The following TRIM45 variants were observed in gnomAD, a reference collection of about 807,000 sequenced individuals.
TRIM45 encodes tripartite motif containing 45.
Under a neutral mutation model 46.7 loss-of-function variants are expected in TRIM45, and 45 were observed. That is an observed-to-expected ratio of 0.96 (90% CI 0.76 to 1.24). TRIM45 has a LOEUF of 1.24. Among genes scored for constraint, TRIM45 ranks in the 50% most tolerant of loss-of-function variants. TRIM45 has a pLI of 0.00. For missense variants in TRIM45, 680 were observed against 728.4 expected (o/e 0.93, Z 0.77); for synonymous variants, 259 against 285.8 (o/e 0.91, Z 0.94).
rs1650431742 is a variant in TRIM45 at position 117,117,130 on chromosome 1, C to T, written c.1223-385G>A. ...ATCCTGCTGGGCTAGGCAGGGAGTACAGCTGACCAGCCTCACGACCCTCCA... is the reference window on the plus strand; with the variant it reads ...ATCCTGCTGGGCTAGGCAGGGAGTATAGCTGACCAGCCTCACGACCCTCCA... On this transcript the variant is annotated intron_variant, in intron 2 of 5. Coordinates refer to ENST00000256649, the MANE Select transcript of TRIM45 (RefSeq NM_025188.4). The surrounding 1 kb of genome is among the most constrained non-coding windows in gnomAD (Gnocchi z 4.9). Among the ~76,000 whole-genome samples the T allele has an allele frequency of 6.6e-6, 1 of 152,156 alleles. No homozygotes were observed. Among genetic ancestry groups the T allele is most frequent in the Non-Finnish European group, 1.5e-5 (1 of 68,032 alleles).
intron 1 of TRIM45, among the ~76,000 whole-genome samples, chr1:117,119,920 G>A (rs1296337271): frequency 6.6e-6 from 1 of 152,166 alleles, no homozygotes; most frequent in East Asian, 1.9e-4. Context: ...TGTTAGTGTA[G>A]CCAGAAAACA....
chr1:117,112,030 T>A lies in TRIM45; in HGVS notation c.*275A>T. 1 of 283,540 alleles carries A rather than the reference T, an allele frequency of 3.5e-6. No homozygotes were observed. Among genetic ancestry groups the A allele is most frequent in the South Asian group, 1.6e-4 (1 of 6,318 alleles). 17.6% of individuals were successfully genotyped at this position (283,540 alleles called of 1,614,324 possible). On this transcript the variant is annotated 3_prime_UTR_variant, in exon 6 of 6. Coordinates refer to ENST00000256649, the MANE Select transcript of TRIM45 (RefSeq NM_025188.4). ...GACCCTTCAGTGCCAATGGAATAGA[T>A]ACCTCCATACTGTACAAAATGAAAA...
Position 117,113,618 on chromosome 1 carries a change from CAGATT to C in TRIM45, c.1468-138_1468-134del, listed in dbSNP as rs1460724994. On this transcript the variant is annotated intron_variant, in intron 4 of 5. Transcript: ENST00000256649. This position sits in a 1 kb window ranked among gnomAD's most constrained non-coding sequence, Gnocchi z 4.0. ...ATGGACAAGGACAACAGGAAAGAAA[CAGATT>C]AGAGGACAAGAACCCTGCTCAGCTG... 2.4e-6 allele frequency: 3 copies of C among 1,229,228 alleles called. No homozygotes were observed. Among genetic ancestry groups the C allele is most frequent in the Non-Finnish European group, 3.3e-6 (3 of 904,400 alleles). The allele number at this position is 1,229,228 out of a possible 1,614,324, so 76.1% of individuals were successfully genotyped here.
At position 117,117,289 on chromosome 1, in the gene TRIM45, T is replaced by C. The variant is rs1176089729; in HGVS notation, c.1223-544A>G. On this transcript the variant is annotated intron_variant, in intron 2 of 5. Coordinates refer to ENST00000256649, the MANE Select transcript of TRIM45 (RefSeq NM_025188.4). This position sits in a 1 kb window ranked among gnomAD's most constrained non-coding sequence, Gnocchi z 4.9. ...GAGGTTCATGAACTACTATGAGGTC[T>C]ATGGAAAGGCTTATGAAGAGTCTAA... 2.0e-5 allele frequency among the ~76,000 whole-genome samples: 3 copies of C among 152,174 alleles called. No individual in the cohort carries two copies. Among genetic ancestry groups the C allele is most frequent in the Admixed American group, 2.0e-4 (3 of 15,280 alleles).
At position 117,115,753 on chromosome 1, in the gene TRIM45, T is replaced by A; in HGVS notation, c.1353-64A>T. The stretch of plus-strand genomic sequence containing the variant: ...CAAGCTGGCTTCAGTTGCTACTATT[T>A]CAGAATGTAAACTCTACACCATCCC... On this transcript the variant is annotated intron_variant, in intron 3 of 5. Coordinates refer to ENST00000256649, the MANE Select transcript of TRIM45 (RefSeq NM_025188.4). The surrounding 1 kb of genome is among the most constrained non-coding windows in gnomAD (Gnocchi z 4.2). 9.0e-7 allele frequency: 1 copy of A among 1,117,142 alleles called. No individual in the cohort carries two copies. Among genetic ancestry groups the A allele is most frequent in the Non-Finnish European group, 1.4e-6 (1 of 730,434 alleles). The allele number at this position is 1,117,142 out of a possible 1,614,324, so 69.2% of individuals were successfully genotyped here.
At chr1:117,120,662 C>T in intron 1 of TRIM45, 52 bp downstream of exon 1, 1 of 1,533,284 alleles carries the variant, frequency 6.5e-7, no homozygotes, top group South Asian at 1.3e-5. Flanking sequence ...TGTCTTGACA[C>T]CTCTTTGTAA....
Position 117,116,466 on chromosome 1 carries a change from T to G in TRIM45, c.1352+150A>C. 1 of 1,054,510 alleles carries G rather than the reference T, an allele frequency of 9.5e-7. No individual in the cohort carries two copies. Among genetic ancestry groups the G allele is most frequent in the South Asian group, 1.6e-5 (1 of 61,242 alleles). The allele number at this position is 1,054,510 out of a possible 1,614,324, so 65.3% of individuals were successfully genotyped here. On this transcript the variant is annotated intron_variant, in intron 3 of 5. Coordinates refer to ENST00000256649, the MANE Select transcript of TRIM45 (RefSeq NM_025188.4). The surrounding 1 kb of genome is among the most constrained non-coding windows in gnomAD (Gnocchi z 4.6). ...GTTGCCCAGGCTGGTCTTGAACTCTTGGGCTTAAGCGATCCTCCTGCCTCC... is the reference window on the plus strand; with the variant it reads ...GTTGCCCAGGCTGGTCTTGAACTCTGGGGCTTAAGCGATCCTCCTGCCTCC...
intron 5 of TRIM45, among the ~76,000 whole-genome samples, chr1:117,112,901 A>T (rs1650272533): frequency 6.6e-6 from 1 of 152,052 alleles, no homozygotes; most frequent in African/African-American, 2.4e-5. Context: ...ATTTTTTTTT[A>T]AAGTAATTAG....
Position 117,121,715 on chromosome 1 carries a change from C to T in TRIM45, c.-514G>A, listed in dbSNP as rs1650644772. The stretch of plus-strand genomic sequence containing the variant: ...GGCTTCTCGGTGTCCACCGCCTCTC[C>T]CGCGCCTCGGCCCGGGACGCCCGCG... On this transcript the variant is annotated 5_prime_UTR_variant, in exon 1 of 6. Transcript: ENST00000256649. The surrounding 1 kb of genome is among the most constrained non-coding windows in gnomAD (Gnocchi z 4.2). The T allele has an allele frequency of 5.1e-6, 3 of 585,782 alleles. No individual in the cohort carries two copies. The highest frequency in any genetic ancestry group is 9.2e-6 in the Non-Finnish European group (3 of 326,066). The allele number at this position is 585,782 out of a possible 1,614,324, so 36.3% of individuals were successfully genotyped here. A position where few individuals can be genotyped will look rare whatever the true frequency, so the allele number is the denominator to read the frequency against.
Position 117,118,854 on chromosome 1 carries a change from C to G in TRIM45, c.489-87G>C. ...CAGAGAGATTTTAGGAGCACAGGATCTGAAGTTAAACAAACCTGATTTCAA... is the reference window on the plus strand; with the variant it reads ...CAGAGAGATTTTAGGAGCACAGGATGTGAAGTTAAACAAACCTGATTTCAA... On this transcript the variant is annotated intron_variant, in intron 1 of 5. Transcript: ENST00000256649. This position sits in a 1 kb window ranked among gnomAD's most constrained non-coding sequence, Gnocchi z 5.7. 2 of 1,503,452 alleles carry G rather than the reference C, an allele frequency of 1.3e-6. No homozygotes were observed. The highest frequency in any genetic ancestry group is 1.8e-6 in the Non-Finnish European group (2 of 1,120,754). 93.1% of individuals were successfully genotyped at this position (1,503,452 alleles called of 1,614,324 possible).
At position 117,118,655 on chromosome 1, in the gene TRIM45, G is replaced by A. The variant is rs1444079917; in HGVS notation, c.601C>T (p.Leu201=). Residue 201 remains leucine (L), a synonymous_variant, in exon 2 of 6, where the codon CTG becomes TTG. Transcript: ENST00000256649. This position sits in a 1 kb window ranked among gnomAD's most constrained non-coding sequence, Gnocchi z 5.7. ...GGCCGGTCACAGAACTCACAGAACA[G>A]CCTCAGTTCCTCTGCAGGGTGAACA... ...CPVHPAEELR[L]FCEFCDRPVC... 1.2e-6 allele frequency: 2 copies of A among 1,614,032 alleles called. No individual in the cohort carries two copies. Among genetic ancestry groups the A allele is most frequent in the South Asian group, 2.2e-5 (2 of 91,084 alleles).
Position 117,117,691 on chromosome 1 carries a change from C to G in TRIM45, c.1222+343G>C, listed in dbSNP as rs903522432. Among the ~76,000 whole-genome samples, 1 of 152,222 alleles carries G rather than the reference C, an allele frequency of 6.6e-6. No homozygotes were observed. Among genetic ancestry groups the G allele is most frequent in the African/African-American group, 2.4e-5 (1 of 41,456 alleles). On this transcript the variant is annotated intron_variant, in intron 2 of 5. Transcript: ENST00000256649. The surrounding 1 kb of genome is among the most constrained non-coding windows in gnomAD (Gnocchi z 4.9). Reference sequence around the variant, plus strand: ...AGGGCCTGCCATGCTCCTCTCTGAGCAGGCAGAATTTCACCTGGCCCTAGT... The same window carrying G: ...AGGGCCTGCCATGCTCCTCTCTGAGGAGGCAGAATTTCACCTGGCCCTAGT...
chr1:117,112,912 A>G (rs945501901), intron 5 of TRIM45, among the ~76,000 whole-genome samples: 2 of 152,140 alleles, frequency 1.3e-5, no homozygotes, highest in Non-Finnish European at 2.9e-5. Flanking sequence ...AAGTAATTAG[A>G]TCCCTAACCT....
rs760573761 is a variant in TRIM45 at position 117,115,330 on chromosome 1, A to G, written c.1467+245T>C. On this transcript the variant is annotated intron_variant, in intron 4 of 5. Coordinates refer to ENST00000256649, the MANE Select transcript of TRIM45 (RefSeq NM_025188.4). This position sits in a 1 kb window ranked among gnomAD's most constrained non-coding sequence, Gnocchi z 4.2. The stretch of plus-strand genomic sequence containing the variant: ...TCCATATTAAGAATCCTAAGAAACC[A>G]ACTGGGAGAATGATAAGCTATAAGC... Among the ~76,000 whole-genome samples the G allele has an allele frequency of 6.6e-6, 1 of 152,168 alleles. No individual in the cohort carries two copies. The highest frequency in any genetic ancestry group is 1.5e-5 in the Non-Finnish European group (1 of 68,022).
rs760828020 is a variant in TRIM45, at chr1:117,120,971, T to C, written c.231A>G (p.Ile77Met). 6 of 1,614,066 alleles carry C rather than the reference T, an allele frequency of 3.7e-6. No individual in the cohort carries two copies. In the African/African-American group the frequency reaches 6.7e-5, roughly 18 times the overall value. ...GDSDTSSEGS[I>M]FQELKPRSLQ... ...GACTTCGTGGCTTGAGTTCCTGGAA[T>C]ATTGACCCCTCAGAGCTTGTGTCAG... The change falls in exon 1 of 6, where the codon ATA becomes ATG. Residue 77 changes from isoleucine to methionine, a missense_variant. Ile to Met is a conservative substitution (Grantham distance 10, BLOSUM62 1). Around this residue, in one of 3 missense-constraint regions of TRIM45, gnomAD observed 349 missense variants for 343.6 expected, o/e 1.02. Transcript: ENST00000256649.
Position 117,120,839 on chromosome 1 carries a change from C to T in TRIM45, c.363G>A (p.Val121=). The T allele has an allele frequency of 1.9e-6, 3 of 1,614,212 alleles. No homozygotes were observed. The highest frequency in any genetic ancestry group is 2.5e-6 in the Non-Finnish European group (3 of 1,180,040). The change falls in exon 1 of 6, where the codon GTG becomes GTA. Residue 121 remains valine, a synonymous_variant. Coordinates refer to ENST00000256649, the MANE Select transcript of TRIM45 (RefSeq NM_025188.4). The part of the protein sequence containing the change: ...LTIDHLAVND[V]MLESLRGEGQ... ...CTTCCCCACGTAGGCTCTCCAGCAT[C>T]ACATCATTCACGGCCAGGTGGTCTA...
rs749557364 is a variant in TRIM45 at position 117,115,101 on chromosome 1, T to C, written c.1467+474A>G. Among the ~76,000 whole-genome samples the C allele has an allele frequency of 2.6e-5, 4 of 152,212 alleles. No homozygotes were observed. Among genetic ancestry groups the C allele is most frequent in the Non-Finnish European group, 5.9e-5 (4 of 68,036 alleles). ...AACCATAGTAACAGAAAAACCTATA[T>C]GTAAAACAGAGTAGAAAATTACATG... On this transcript the variant is annotated intron_variant, in intron 4 of 5. Coordinates refer to ENST00000256649, the MANE Select transcript of TRIM45 (RefSeq NM_025188.4). This position sits in a 1 kb window ranked among gnomAD's most constrained non-coding sequence, Gnocchi z 4.2.
rs988610763 is a variant in TRIM45, at chr1:117,113,580, G to A, written c.1468-95C>T. On this transcript the variant is annotated intron_variant, in intron 4 of 5. Transcript: ENST00000256649. The surrounding 1 kb of genome is among the most constrained non-coding windows in gnomAD (Gnocchi z 4.0). ...GTGCTAAACAGAGTCTGAGGCACAG[G>A]GCCTGTCCTTGGATGGACAAGGACA... is the stretch of plus-strand genomic sequence containing the variant. The A allele has an allele frequency of 1.4e-6, 2 of 1,479,964 alleles. No individual in the cohort carries two copies. The highest frequency in any genetic ancestry group is 2.8e-5 in the African/African-American group (2 of 71,382). 91.7% of individuals were successfully genotyped at this position (1,479,964 alleles called of 1,614,324 possible).
In TRIM45 at chr1:117,113,377, A is replaced by T; in HGVS notation, c.1576T>A (p.Cys526Ser). 2 of 1,612,174 alleles carry T rather than the reference A, an allele frequency of 1.2e-6. No individual in the cohort carries two copies. Among genetic ancestry groups the T allele is most frequent in the Non-Finnish European group, 1.7e-6 (2 of 1,179,882 alleles). The change falls in exon 5 of 6, where the codon TGT becomes AGT. Residue 526 changes from cysteine (C) to serine (S), a missense_variant. Around this residue, in one of 3 missense-constraint regions of TRIM45, gnomAD observed 322 missense variants for 359.3 expected, o/e 0.90. Coordinates refer to ENST00000256649, the MANE Select transcript of TRIM45 (RefSeq NM_025188.4). The surrounding 1 kb of genome is among the most constrained non-coding windows in gnomAD (Gnocchi z 4.0). ...SGGQKTARCA[C>S]GGTMPGGYLG... ...TCCTTACCTGGCATGGTGCCTCCACAGGCGCAGCGAGCGGTTTTCTGGCCC... is the reference window on the plus strand; with the variant it reads ...TCCTTACCTGGCATGGTGCCTCCACTGGCGCAGCGAGCGGTTTTCTGGCCC...
Sources: gnomAD v4.1 joint callset for allele counts (sites outside exome capture counted in the v4.1 genomes callset) on GRCh38, gnomAD v4.1.1 for gene constraint, gnomAD v4.1.1 regional missense constraint, Gnocchi (gnomAD v3.1) non-coding constraint, MANE v1.5 for transcripts, NCBI Gene and HGNC (gene_info 2026-07-23, HGNC 2026-07-21) for gene names.